Variants in NAALADL2 observed in about 807,000 individuals in gnomAD.
The protein encoded by NAALADL2 is inactive N-acetylated-alpha-linked acidic dipeptidase-like protein 2.
A neutral mutation model predicts 87.2 loss-of-function variants in NAALADL2; 76 were observed. That is an observed-to-expected ratio of 0.87 (90% CI 0.72 to 1.05). The LOEUF is 1.05. NAALADL2 is among the 50% of genes least tolerant of loss of function. The probability of loss-of-function intolerance (pLI) is 0.00; values close to 1 mark genes in which losing one functional copy is unlikely to be tolerated. For synonymous variants in NAALADL2, 354 were observed against 331.0 expected, an observed-to-expected ratio of 1.07 and a Z score of -0.75; for missense variants, 1,089 against 945.8, an observed-to-expected ratio of 1.15 and a Z score of -1.99.
chr3:175,263,897 T>G (rs1751509081), intron 4 of NAALADL2, among the ~76,000 whole-genome samples: 1 of 151,784 alleles, frequency 6.6e-6, no homozygotes, highest in African/African-American at 2.4e-5. Context: ...TATATTTTGG[T>G]CTAAACTGTT....
intron 2 of NAALADL2, among the ~76,000 whole-genome samples, chr3:174,707,784 TAAAGTA>T (rs2108903733): frequency 6.6e-6 from 1 of 150,646 alleles, no homozygotes; most frequent in South Asian, 2.1e-4. Context: ...CCCTAGAACT[TAAAGTA>T]TAATAAAAAA....
At chr3:174,944,557 C>T (rs1739124080) in intron 1 of NAALADL2, among the ~76,000 whole-genome samples, 1 of 152,168 alleles carries the variant, frequency 6.6e-6, no homozygotes, top group African/African-American at 2.4e-5. Flanking sequence ...TGCTTAGCAT[C>T]CTGGATTCAG....
chr3:175,711,367 C>A (rs1351891966), intron 11 of NAALADL2, among the ~76,000 whole-genome samples: 1 of 151,774 alleles, frequency 6.6e-6, no homozygotes, highest in Non-Finnish European at 1.5e-5. Flanking sequence ...TTTGAGTCAT[C>A]ATTCAAAGAA....
At chr3:175,382,386 T>G (rs1397531922) in intron 5 of NAALADL2, among the ~76,000 whole-genome samples, 1 of 151,698 alleles carries the variant, frequency 6.6e-6, no homozygotes, top group East Asian at 1.9e-4. Flanking sequence ...TGTTTATTTG[T>G]TTTTTTAAAT....
At chr3:175,396,783 G>A (rs1436721512) in intron 5 of NAALADL2, among the ~76,000 whole-genome samples, 1 of 151,924 alleles carries the variant, frequency 6.6e-6, no homozygotes, top group Admixed American at 6.6e-5. Context: ...AAGATCTAAT[G>A]GTTTTATAAG....
At chr3:175,327,144 A>ATTTTTTT (rs1430148542) in intron 5 of NAALADL2, among the ~76,000 whole-genome samples, 1 of 114,430 alleles carries the variant, frequency 8.7e-6, no homozygotes, top group African/African-American at 3.7e-5. Context: ...AACTGTCTAC[A>ATTTTTTT]TTTCTTTTTT....
At chr3:175,316,496 A>G (rs1759156738) in intron 4 of NAALADL2, among the ~76,000 whole-genome samples, 1 of 152,170 alleles carries the variant, frequency 6.6e-6, no homozygotes, top group African/African-American at 2.4e-5. Flanking sequence ...GTTGAAGTTC[A>G]GTGTCAGGAA....
intron 1 of NAALADL2, among the ~76,000 whole-genome samples, chr3:174,443,421 G>A (rs1030623441): frequency 2.0e-5 from 3 of 152,186 alleles, no homozygotes; most frequent in African/African-American, 7.2e-5. Flanking sequence ...CTAAGCAACT[G>A]GAAAGATAAG....
At chr3:174,577,742 C>T (rs1221700371) in intron 2 of NAALADL2, among the ~76,000 whole-genome samples, 1 of 151,900 alleles carries the variant, frequency 6.6e-6, no homozygotes. Context: ...TCAAAATTTT[C>T]TAGACATGTG....
intron 4 of NAALADL2, among the ~76,000 whole-genome samples, chr3:175,267,939 C>G (rs1467904863): frequency 1.3e-5 from 2 of 152,166 alleles, no homozygotes; most frequent in Non-Finnish European, 2.9e-5. Flanking sequence ...TTCATATCAC[C>G]TAGCCTTTAG....
At position 175,614,632 on chromosome 3, in the gene NAALADL2, T is replaced by C. The variant is rs1208965550; in HGVS notation, c.1801-12659T>C. Among the ~76,000 whole-genome samples, 3 of 152,292 alleles carry C rather than the reference T, an allele frequency of 2.0e-5. No individual in the cohort carries two copies. The East Asian group carries it at 5.8e-4, about 29-fold the overall frequency. ...AAAAGTGATTCAGGTTAGTGTTTTG[T>C]TTATTGTTTTGAAGTCATGAAACTG... On this transcript the variant is annotated intron_variant, in intron 10 of 13. Transcript: ENST00000454872.
intron 1 of NAALADL2, among the ~76,000 whole-genome samples, chr3:175,033,407 G>C (rs146116779): frequency 1.2e-4 from 18 of 152,080 alleles, no homozygotes; most frequent in African/African-American, 4.3e-4. Context: ...TTACTATTCT[G>C]TTTTTTGCTC....
upstream of NAALADL2, among the ~76,000 whole-genome samples, chr3:174,855,020 G>C (rs537845463): frequency 5.9e-5 from 9 of 151,758 alleles, no homozygotes; most frequent in East Asian, 1.7e-3. Context: ...GTAGGTTTTA[G>C]TAGAGATGGT....
intron 1 of NAALADL2, among the ~76,000 whole-genome samples, chr3:174,889,473 C>T (rs981578206): frequency 2.6e-5 from 4 of 152,088 alleles, no homozygotes; most frequent in Admixed American, 1.3e-4. Flanking sequence ...TCCTGCTGGA[C>T]GCCATTGCTA....
At chr3:175,481,023 A>G (rs1410670291) in intron 9 of NAALADL2, among the ~76,000 whole-genome samples, 2 of 151,882 alleles carry the variant, frequency 1.3e-5, no homozygotes, top group Non-Finnish European at 1.5e-5. Context: ...TGTGTAATGC[A>G]TGCAGATTAT....
chr3:174,566,740 C>T (rs1212018506), intron 2 of NAALADL2, among the ~76,000 whole-genome samples: 1 of 150,864 alleles, frequency 6.6e-6, no homozygotes, highest in Admixed American at 6.6e-5. Flanking sequence ...TCTGTTTAAT[C>T]TGTTTTTAAA....
chr3:175,458,180 G>A (rs1002960442), intron 6 of NAALADL2, among the ~76,000 whole-genome samples: 14 of 152,008 alleles, frequency 9.2e-5, no homozygotes, highest in Non-Finnish European at 1.9e-4. Context: ...GGTCCTTTGA[G>A]TGGAGAATAG....
At chr3:174,971,196 G>C (rs572256761) in intron 1 of NAALADL2, among the ~76,000 whole-genome samples, 12 of 152,252 alleles carry the variant, frequency 7.9e-5, no homozygotes, top group African/African-American at 2.9e-4. Context: ...CCAAAACGTG[G>C]GAATTCTGGG....
chr3:175,067,480 G>A (rs553202063), intron 1 of NAALADL2, among the ~76,000 whole-genome samples: 9 of 152,126 alleles, frequency 5.9e-5, no homozygotes, highest in East Asian at 1.9e-4. Flanking sequence ...GCCAACAGAC[G>A]TATGAAAACA....
Sources: allele counts gnomAD v4.1 joint callset (sites outside exome capture counted in the v4.1 genomes callset), GRCh38; gene constraint gnomAD v4.1.1; transcripts MANE v1.5; gene names NCBI Gene and HGNC (gene_info 2026-07-23, HGNC 2026-07-21).